Variants in IGF2BP2 observed in about 807,000 individuals in gnomAD.
IGF2BP2 encodes insulin-like growth factor 2 mRNA-binding protein 2.
Under a neutral mutation model 75.8 loss-of-function variants are expected in IGF2BP2, and 17 were observed. The ratio of observed to expected loss-of-function variants is 0.22; its 90% CI spans 0.15 to 0.34. IGF2BP2 has a LOEUF of 0.34. Ranked by LOEUF, IGF2BP2 falls within the 10% of genes least tolerant of loss-of-function variation. IGF2BP2 has a pLI of 1.00. For synonymous variants in IGF2BP2, 288 were observed against 295.6 expected (o/e 0.97, Z 0.26); for missense variants, 516 against 772.4 (o/e 0.67, Z 3.93).
Position 185,658,354 on chromosome 3 carries a change from G to C in IGF2BP2, c.1256C>G (p.Pro419Arg). Residue 419 changes from proline to arginine, a missense_variant, in exon 11 of 16, where the codon CCG (proline) becomes CGG (arginine). Pro to Arg is a moderately radical substitution (Grantham distance 103). Transcript: ENST00000382199. ...GGGGGCACTTACAGAGTGATGATGC[G>C]GGAACGGGCCAAACTGGTGATGGGG... ...LYPHHQFGPF[P>R]HHHSYPEQEI... 1 of 1,613,886 alleles carries C rather than the reference G, an allele frequency of 6.2e-7. No homozygotes were observed. The highest frequency in any genetic ancestry group is 1.1e-5 in the South Asian group (1 of 91,062).
chr3:185,664,265 A>T (rs1310781948), intron 10 of IGF2BP2, among the ~76,000 whole-genome samples: 1 of 152,158 alleles, frequency 6.6e-6, no homozygotes, highest in Non-Finnish European at 1.5e-5. Context: ...GCAGCCCAAG[A>T]TCTAAACCAC....
intron 2 of IGF2BP2, among the ~76,000 whole-genome samples, chr3:185,776,431 G>C (rs1734540079): frequency 6.6e-6 from 1 of 152,136 alleles, no homozygotes; most frequent in Admixed American, 6.6e-5. Context: ...AAAGTAAAAA[G>C]TGAGGACCGG....
At chr3:185,693,396 A>G (rs1360240108) in intron 4 of IGF2BP2, among the ~76,000 whole-genome samples, 1 of 152,242 alleles carries the variant, frequency 6.6e-6, no homozygotes, top group East Asian at 1.9e-4. Context: ...TACATATAAA[A>G]CAATAAGAAA....
At chr3:185,715,030 C>T (rs1020193103) in intron 2 of IGF2BP2, among the ~76,000 whole-genome samples, 3 of 152,154 alleles carry the variant, frequency 2.0e-5, no homozygotes, top group Admixed American at 1.3e-4. Context: ...TGCCAAGGGA[C>T]AAGCCTGCAC....
chr3:185,665,269 GAGGAGAAGGAGAAGAAGA>G (rs1717169353), intron 10 of IGF2BP2, among the ~76,000 whole-genome samples: 2 of 134,472 alleles, frequency 1.5e-5, no homozygotes. Flanking sequence ...GGAGGAGGAG[GAGGAGAAGGAGAAGAAGA>G]AGAAGGAGGA....
intron 2 of IGF2BP2, among the ~76,000 whole-genome samples, chr3:185,701,729 C>T (rs567998854): frequency 2.0e-5 from 3 of 152,266 alleles, no homozygotes; most frequent in South Asian, 2.1e-4. Context: ...GCTGGACTGT[C>T]GCACCTCTGA....
chr3:185,721,438 GT>G (rs1187990622), intron 2 of IGF2BP2, among the ~76,000 whole-genome samples: 1 of 152,034 alleles, frequency 6.6e-6, no homozygotes, highest in Non-Finnish European at 1.5e-5. Context: ...CTGACCTCAA[GT>G]GATCCGCCCG....
At chr3:185,797,898 A>T (rs1251147839) in intron 2 of IGF2BP2, among the ~76,000 whole-genome samples, 1 of 52,886 alleles carries the variant, frequency 1.9e-5, no homozygotes, top group Non-Finnish European at 3.3e-5. Flanking sequence ...CCTGTCTCTT[A>T]AAAAAAAAAA....
At chr3:185,774,715 C>T (rs575730714) in intron 2 of IGF2BP2, among the ~76,000 whole-genome samples, 184 of 151,718 alleles carry the variant, frequency 1.2e-3, no homozygotes, top group Non-Finnish European at 2.2e-3. Flanking sequence ...AGTTAAGAGG[C>T]GGCTGGGGAC....
chr3:185,775,663 A>T (rs1734449293), intron 2 of IGF2BP2, among the ~76,000 whole-genome samples: 1 of 152,188 alleles, frequency 6.6e-6, no homozygotes, highest in Non-Finnish European at 1.5e-5. Flanking sequence ...TAGCAAAAGC[A>T]ATGTATGAAA....
chr3:185,775,301 T>G (rs1282499898), intron 2 of IGF2BP2, among the ~76,000 whole-genome samples: 3 of 152,234 alleles, frequency 2.0e-5, no homozygotes, highest in Non-Finnish European at 4.4e-5. Flanking sequence ...GTAAAGGAGT[T>G]GTTCCAAGAA....
intron 2 of IGF2BP2, among the ~76,000 whole-genome samples, chr3:185,782,440 G>A (rs766316945): frequency 2.0e-5 from 3 of 151,868 alleles, no homozygotes; most frequent in East Asian, 1.9e-4. Flanking sequence ...GTCTTGAAAC[G>A]TTTCACCGAC....
chr3:185,823,971 A>G (rs1195885840), intron 1 of IGF2BP2, among the ~76,000 whole-genome samples: 2 of 152,086 alleles, frequency 1.3e-5, no homozygotes, highest in Non-Finnish European at 2.9e-5. Context: ...CACCGAGTTG[A>G]GACAGGGCAC....
At chr3:185,670,141 A>T (rs1202020228) in intron 10 of IGF2BP2, among the ~76,000 whole-genome samples, 5 of 152,210 alleles carry the variant, frequency 3.3e-5, no homozygotes, top group Middle Eastern at 3.2e-3. Flanking sequence ...TAGTTTAACA[A>T]TTTTTTATTT....
intron 2 of IGF2BP2, among the ~76,000 whole-genome samples, chr3:185,735,380 A>C (rs979290962): frequency 3.3e-5 from 5 of 152,178 alleles, no homozygotes; most frequent in Non-Finnish European, 7.3e-5. Flanking sequence ...TCCTGACTTC[A>C]GGTGATCCAC....
chr3:185,705,159 C>A (rs1050317481), intron 2 of IGF2BP2, among the ~76,000 whole-genome samples: 15 of 152,196 alleles, frequency 9.9e-5, no homozygotes, highest in Non-Finnish European at 1.3e-4. Flanking sequence ...TGCAGTGGTG[C>A]GATCTTGGCT....
chr3:185,740,720 T>C (rs985497056), intron 2 of IGF2BP2, among the ~76,000 whole-genome samples: 2 of 152,220 alleles, frequency 1.3e-5, no homozygotes, highest in Non-Finnish European at 2.9e-5. Flanking sequence ...CTCATAGCCA[T>C]ATACCTAGTA....
intron 2 of IGF2BP2, among the ~76,000 whole-genome samples, chr3:185,725,667 G>T (rs1176849704): frequency 6.6e-6 from 1 of 152,120 alleles, no homozygotes; most frequent in African/African-American, 2.4e-5. Context: ...AGTATCAAAT[G>T]AGAAGTTACA....
intron 2 of IGF2BP2, among the ~76,000 whole-genome samples, chr3:185,790,957 A>G (rs1435410632): frequency 1.3e-5 from 2 of 152,260 alleles, no homozygotes; most frequent in Non-Finnish European, 2.9e-5. Flanking sequence ...AATAATTTTA[A>G]AAGTACTTTT....
Sources: gnomAD v4.1 joint callset for allele counts (sites outside exome capture counted in the v4.1 genomes callset) on GRCh38, gnomAD v4.1.1 for gene constraint, MANE v1.5 for transcripts, NCBI Gene and HGNC (gene_info 2026-07-23, HGNC 2026-07-21) for gene names.